The following TBCD variants were observed in gnomAD, a reference collection of about 807,000 sequenced individuals.
The protein encoded by TBCD is tubulin-specific chaperone D.
A neutral mutation model predicts 169.3 loss-of-function variants in TBCD; 105 were observed. That is an observed-to-expected ratio of 0.62 (90% CI 0.53 to 0.73). The LOEUF (loss-of-function observed/expected upper bound fraction) is 0.73, where lower values mean the gene tolerates loss of function less well. TBCD is among the 30% of genes least tolerant of loss of function. The probability of loss-of-function intolerance (pLI) is 0.00; values close to 1 mark genes in which losing one functional copy is unlikely to be tolerated. For synonymous variants in TBCD, 700 were observed against 643.9 expected (o/e 1.09, Z -1.32); for missense variants, 1,444 against 1,600.1 (o/e 0.90, Z 1.66).
intron 14 of TBCD, among the ~76,000 whole-genome samples, chr17:82,872,964 G>T (rs551430326): frequency 6.8e-6 from 1 of 146,524 alleles, no homozygotes; most frequent in Non-Finnish European, 1.5e-5. Flanking sequence ...CGTGGCCGAC[G>T]GCTTCTGAGC....
At chr17:82,857,479 T>G (rs1254622677) in intron 13 of TBCD, among the ~76,000 whole-genome samples, 1 of 152,244 alleles carries the variant, frequency 6.6e-6, no homozygotes, top group Non-Finnish European at 1.5e-5. Context: ...ACCATTGTTT[T>G]AATTCCCTCT....
intron 7 of TBCD, among the ~76,000 whole-genome samples, chr17:82,794,773 C>A (rs1215704670): frequency 6.6e-6 from 1 of 152,244 alleles, no homozygotes; most frequent in African/African-American, 2.4e-5. Context: ...TGCCCTCCTG[C>A]ACCCATGCCT....
intron 13 of TBCD, among the ~76,000 whole-genome samples, chr17:82,865,975 A>G (rs74000110): frequency 0.023 from 3,570 of 152,282 alleles, 152 homozygotes; most frequent in African/African-American, 0.081. Context: ...GGTGTGTTCT[A>G]TACGCGACAT....
At chr17:82,798,887 C>T (rs944455729) in intron 8 of TBCD, among the ~76,000 whole-genome samples, 4 of 152,222 alleles carry the variant, frequency 2.6e-5, no homozygotes, top group East Asian at 3.9e-4. Context: ...GGACTACAGG[C>T]GAGCTCTACC....
chr17:82,929,313 A>G (rs1308802355), intron 31 of TBCD, 42 bp downstream of exon 31: 9 of 1,610,598 alleles, frequency 5.6e-6, no homozygotes, highest in Admixed American at 3.3e-5. Flanking sequence ...CCCCGCAGCC[A>G]TGGCGAGATC....
chr17:82,871,138 C>G lies in TBCD; in HGVS notation c.1475+758C>G, dbSNP rs561469884. ...CCTGTGGCGGGCGGGGCTCCTGCCTCGGTGTCCAGTGCGCGCACCCAGCTG... is the reference window on the plus strand; with the variant it reads ...CCTGTGGCGGGCGGGGCTCCTGCCTGGGTGTCCAGTGCGCGCACCCAGCTG... On this transcript the variant is annotated intron_variant, in intron 14 of 38. Transcript: ENST00000355528. Among the ~76,000 whole-genome samples, 10 of 152,056 alleles carry G rather than the reference C, an allele frequency of 6.6e-5. No individual in the cohort carries two copies. The East Asian group carries it at 1.9e-3, about 29-fold the overall frequency.
In TBCD at chr17:82,832,051, G is replaced by A. The variant is rs757711155; in HGVS notation, c.1318+17117G>A. 21 of 1,613,734 alleles carry A rather than the reference G, an allele frequency of 1.3e-5. No homozygotes were observed. Among genetic ancestry groups the A allele is most frequent in the Non-Finnish European group, 1.6e-5 (19 of 1,179,770 alleles). The stretch of plus-strand genomic sequence containing the variant: ...CGGAGCTGGGCTCTTGCAGGGTGAT[G>A]CCCTGTGGAGGGCTGGCTTCTGTCC... On this transcript the variant is annotated intron_variant, in intron 13 of 38. Coordinates refer to ENST00000355528, the MANE Select transcript of TBCD (RefSeq NM_005993.5). The surrounding 1 kb of genome is among the most constrained non-coding windows in gnomAD (Gnocchi z 4.9).
At chr17:82,879,928 G>A (rs1264933883) in intron 14 of TBCD, among the ~76,000 whole-genome samples, 2 of 151,802 alleles carry the variant, frequency 1.3e-5, no homozygotes, top group African/African-American at 2.4e-5. Context: ...CGGACCTGGC[G>A]GTCACAGGCC....
chr17:82,928,212 C>A (rs1172513793), intron 30 of TBCD, among the ~76,000 whole-genome samples: 1 of 152,182 alleles, frequency 6.6e-6, no homozygotes. Context: ...GCCCAGTGCC[C>A]CCAGGACGAG....
At chr17:82,807,079 T>A (rs76403628) in intron 10 of TBCD, among the ~76,000 whole-genome samples, 15,103 of 152,256 alleles carry the variant, frequency 0.099, 1,047 homozygotes, top group South Asian at 0.3. Flanking sequence ...TTCCCAGGGC[T>A]GCTTGGTGCC....
At chr17:82,875,973 C>CA (rs2057940950) in intron 14 of TBCD, among the ~76,000 whole-genome samples, 1 of 152,056 alleles carries the variant, frequency 6.6e-6, no homozygotes, top group Admixed American at 6.5e-5. Flanking sequence ...TTGCAACTTT[C>CA]AAAAAACAGG....
intron 13 of TBCD, among the ~76,000 whole-genome samples, chr17:82,843,088 T>G (rs1389010061): frequency 2.6e-5 from 4 of 152,148 alleles, no homozygotes; most frequent in Non-Finnish European, 1.5e-5. Flanking sequence ...CCGCAAGTGT[T>G]CTCTATTTTC....
chr17:82,831,590 C>A lies in TBCD; in HGVS notation c.1318+16656C>A, dbSNP rs2053514708. ...GGAGCCAGGTGCTTAGGGATCGGCCCCGGGTGAGGCAGGAAGTGTCTCGGG... is the reference window on the plus strand; with the variant it reads ...GGAGCCAGGTGCTTAGGGATCGGCCACGGGTGAGGCAGGAAGTGTCTCGGG... On this transcript the variant is annotated intron_variant, in intron 13 of 38. Coordinates refer to ENST00000355528, the MANE Select transcript of TBCD (RefSeq NM_005993.5). The surrounding 1 kb of genome is among the most constrained non-coding windows in gnomAD (Gnocchi z 4.6). 1 of 1,613,970 alleles carries A rather than the reference C, an allele frequency of 6.2e-7. No individual in the cohort carries two copies. Among genetic ancestry groups the A allele is most frequent in the South Asian group, 1.1e-5 (1 of 91,076 alleles).
intron 17 of TBCD, chr17:82,900,399 G>A (rs759125226): frequency 1.4e-5 from 6 of 432,302 alleles, no homozygotes; most frequent in Non-Finnish European, 2.1e-5. Context: ...TGTTTTCCCC[G>A]TGGATGATGT....
At position 82,870,247 on chromosome 17, in the gene TBCD, C is replaced by T. The variant is rs770172115; in HGVS notation, c.1342C>T (p.Leu448=). 8.7e-6 allele frequency: 14 copies of T among 1,613,226 alleles called. No individual in the cohort carries two copies. The Middle Eastern group carries it at 6.6e-4, about 76-fold the overall frequency. ...VDVVAVILKA[L]TYDEKRGACS... is the part of the protein sequence containing the mutation. ...AGTTGTCGCCGTGATCCTGAAGGCG[C>T]TGACCTACGACGAGAAGCGGGGTGC... Residue 448 remains leucine, a synonymous_variant, in exon 14 of 39, where the codon CTG becomes TTG. Transcript: ENST00000355528.
At chr17:82,928,893 C>T (rs577856399) in intron 30 of TBCD, among the ~76,000 whole-genome samples, 1 of 152,228 alleles carries the variant, frequency 6.6e-6, no homozygotes, top group South Asian at 2.1e-4. Context: ...TTGCTGCGCA[C>T]CTGTAGGGTT....
chr17:82,830,336 C>T, intron 13 of TBCD: 1 of 1,613,926 alleles, frequency 6.2e-7, no homozygotes, highest in Non-Finnish European at 8.5e-7. Flanking sequence ...CAGGCAGGTT[C>T]CGGGGCCGCA....
At chr17:82,928,383 C>T (rs770548854) in intron 30 of TBCD, among the ~76,000 whole-genome samples, 2 of 152,234 alleles carry the variant, frequency 1.3e-5, no homozygotes, top group Admixed American at 1.3e-4. Flanking sequence ...ACTCAGTTCC[C>T]TGCACCTGAG....
At chr17:82,846,260 C>CCGG (rs2055054398) in intron 13 of TBCD, among the ~76,000 whole-genome samples, 1 of 146,500 alleles carries the variant, frequency 6.8e-6, no homozygotes. Flanking sequence ...CGCGCTGCGT[C>CCGG]CTCTGTGCTG....
Sources: gnomAD v4.1 joint callset for allele counts (sites outside exome capture counted in the v4.1 genomes callset) on GRCh38, gnomAD v4.1.1 for gene constraint, Gnocchi (gnomAD v3.1) non-coding constraint, MANE v1.5 for transcripts, NCBI Gene and HGNC (gene_info 2026-07-23, HGNC 2026-07-21) for gene names.